RBFOX1: variants seen among roughly 807,000 people sequenced by gnomAD.
RBFOX1 encodes RNA binding protein fox-1 homolog 1.
RBFOX1 carries 8 observed loss-of-function variants against 57.7 expected under a neutral mutation model. The observed-to-expected ratio is 0.14, with a 90% CI of 0.08 to 0.25. RBFOX1 has a LOEUF of 0.25. RBFOX1 is among the 10% of genes least tolerant of loss of function. RBFOX1 has a pLI of 1.00. For missense variants in RBFOX1, 611 were observed against 548.5 expected (o/e 1.11, Z -1.14); for synonymous variants, 326 against 222.4 (o/e 1.47, Z -4.15).
chr16:5,995,731 G>A (rs2060479083), intron 4 of RBFOX1, among the ~76,000 whole-genome samples: 1 of 152,102 alleles, frequency 6.6e-6, no homozygotes, highest in Non-Finnish European at 1.5e-5. Context: ...GAGTTCCTGG[G>A]GCTCTTAGAT....
At chr16:7,158,101 C>T (rs2077514040) in intron 4 of RBFOX1, among the ~76,000 whole-genome samples, 3 of 152,118 alleles carry the variant, frequency 2.0e-5, no homozygotes, top group African/African-American at 7.2e-5. Flanking sequence ...GTAATTCCAG[C>T]ATTTTGGGAG....
At chr16:7,545,157 C>T (rs183027153) in intron 5 of RBFOX1, among the ~76,000 whole-genome samples, 45 of 152,180 alleles carry the variant, frequency 3.0e-4, no homozygotes, top group Non-Finnish European at 5.4e-4. Context: ...TCAAGGTGAA[C>T]TTGAGTAGTT....
chr16:6,801,084 C>G (rs144031008), intron 3 of RBFOX1, among the ~76,000 whole-genome samples: 1 of 151,298 alleles, frequency 6.6e-6, no homozygotes, highest in African/African-American at 2.4e-5. Context: ...GTTAAAAGTG[C>G]GGATTGCCAT....
intron 1 of RBFOX1, chr16:5,366,174 G>A (rs898846393): frequency 4.3e-5 from 18 of 422,018 alleles, no homozygotes; most frequent in Non-Finnish European, 6.9e-5. Flanking sequence ...GTCAGAAGAC[G>A]AAGACAAAGA....
intron 3 of RBFOX1, among the ~76,000 whole-genome samples, chr16:6,971,219 T>C (rs1346165144): frequency 6.6e-6 from 1 of 152,112 alleles, no homozygotes; most frequent in Non-Finnish European, 1.5e-5. Flanking sequence ...GAAAGAGGTG[T>C]GCTAAAAGGC....
chr16:5,453,902 G>T (rs962188725), intron 1 of RBFOX1, among the ~76,000 whole-genome samples: 5 of 152,186 alleles, frequency 3.3e-5, no homozygotes, highest in Admixed American at 3.3e-4. Context: ...AGATTTTGTT[G>T]GGGTGGTTGG....
At chr16:7,166,527 C>CA (rs1193959293) in intron 4 of RBFOX1, among the ~76,000 whole-genome samples, 2 of 152,058 alleles carry the variant, frequency 1.3e-5, no homozygotes, top group African/African-American at 4.8e-5. Context: ...AGGATGGCCT[C>CA]AAAGAAGCCT....
chr16:7,530,995 T>A lies in RBFOX1; in HGVS notation c.270+12606T>A, dbSNP rs530950869. ...ATCTCAGTGTCCTTAGGACAGAAGT[T>A]CCACGGGCAAGTTCTTTCAGCAGTA... On this transcript the variant is annotated intron_variant, in intron 5 of 15. Transcript: ENST00000550418. 5.3e-5 allele frequency among the ~76,000 whole-genome samples: 8 copies of A among 152,280 alleles called. 1 individual carries two copies. The South Asian group carries it at 1.7e-3, about 32-fold the overall frequency.
Position 7,388,248 on chromosome 16 carries a change from C to G in RBFOX1, c.28-129899C>G, listed in dbSNP as rs140066652. 9.6e-3 allele frequency among the ~76,000 whole-genome samples: 1,465 copies of G among 152,220 alleles called. 15 individuals carry two copies. The highest frequency in any genetic ancestry group is 0.041 in the Middle Eastern group (12 of 292). ...CAAGGTTGGTGTGATGGATGCAGCA[C>G]TCGGTATCCATGATGTGTTCGGGAA... On this transcript the variant is annotated intron_variant, in intron 4 of 15. Coordinates refer to ENST00000550418, the MANE Select transcript of RBFOX1 (RefSeq NM_018723.4).
intron 3 of RBFOX1, among the ~76,000 whole-genome samples, chr16:5,663,114 A>T (rs959497196): frequency 2.6e-5 from 4 of 152,208 alleles, no homozygotes; most frequent in Non-Finnish European, 5.9e-5. Context: ...GATACTGCTA[A>T]ACACCGTACA....
At chr16:6,353,287 A>C (rs565188155) in intron 2 of RBFOX1, among the ~76,000 whole-genome samples, 2 of 152,046 alleles carry the variant, frequency 1.3e-5, no homozygotes, top group East Asian at 3.9e-4. Flanking sequence ...TGAGAACCTA[A>C]TCTTCCAATA....
chr16:6,015,861 T>C (rs372485431), upstream of RBFOX1, among the ~76,000 whole-genome samples: 42 of 152,252 alleles, frequency 2.8e-4, no homozygotes, highest in African/African-American at 9.9e-4. Flanking sequence ...TTTATGTGTC[T>C]GCATATGCTA....
chr16:6,943,166 C>G (rs1219311814), intron 3 of RBFOX1, among the ~76,000 whole-genome samples: 2 of 152,164 alleles, frequency 1.3e-5, no homozygotes, highest in Non-Finnish European at 2.9e-5. Context: ...ACCAGCTCTC[C>G]ACTCTCCACA....
chr16:5,277,466 C>T (rs995132281), intron 1 of RBFOX1, among the ~76,000 whole-genome samples: 3 of 39,994 alleles, frequency 7.5e-5, no homozygotes, highest in African/African-American at 1.7e-4. Context: ...AAGAAATATA[C>T]AATAAATTGT....
At chr16:5,595,194 A>G (rs2047142807) in intron 2 of RBFOX1, among the ~76,000 whole-genome samples, 1 of 152,134 alleles carries the variant, frequency 6.6e-6, no homozygotes. Context: ...CCAAACAGGA[A>G]AAGACCCTGT....
intron 2 of RBFOX1, among the ~76,000 whole-genome samples, chr16:6,477,681 A>G (rs1366543568): frequency 1.3e-5 from 2 of 152,224 alleles, no homozygotes; most frequent in Non-Finnish European, 2.9e-5. Context: ...CCCTAATAAG[A>G]GCGTCAGCTT....
intron 5 of RBFOX1, among the ~76,000 whole-genome samples, chr16:7,529,686 C>T (rs1033465161): frequency 6.6e-6 from 1 of 152,100 alleles, no homozygotes; most frequent in African/African-American, 2.4e-5. Flanking sequence ...ACTGAATTTA[C>T]AACTTCTGAC....
Position 7,190,897 on chromosome 16 carries a change from T to A in RBFOX1, c.27+138799T>A, listed in dbSNP as rs150064809. ...CAGAGGATGTTAACTGTTTAGAGAA[T>A]CATGAAGGAAGCATATTTTACAAAG... On this transcript the variant is annotated intron_variant, in intron 4 of 15. Coordinates refer to ENST00000550418, the MANE Select transcript of RBFOX1 (RefSeq NM_018723.4). Among the ~76,000 whole-genome samples the A allele has an allele frequency of 8.4e-3, 1,272 of 152,256 alleles. 10 individuals carry two copies. The highest frequency in any genetic ancestry group is 0.016 in the Admixed American group (242 of 15,300).
intron 2 of RBFOX1, among the ~76,000 whole-genome samples, chr16:5,551,753 A>G (rs2045473835): frequency 6.6e-6 from 1 of 151,764 alleles, no homozygotes; most frequent in South Asian, 2.1e-4. Flanking sequence ...TAAGCCCCAC[A>G]TGTATTATGT....
Sources: allele counts gnomAD v4.1 joint callset (sites outside exome capture counted in the v4.1 genomes callset), GRCh38; gene constraint gnomAD v4.1.1; transcripts MANE v1.5; gene names NCBI Gene and HGNC (gene_info 2026-07-23, HGNC 2026-07-21).